Variants in FRMD4B observed in about 807,000 individuals in gnomAD.
FRMD4B encodes FERM domain-containing protein 4B.
Under a neutral mutation model 141.5 loss-of-function variants are expected in FRMD4B, and 74 were observed. The observed-to-expected ratio is 0.52, with a 90% CI of 0.43 to 0.63. FRMD4B has a LOEUF of 0.63. FRMD4B is among the 30% of genes least tolerant of loss of function. The probability of loss-of-function intolerance (pLI) is 0.00; values close to 1 mark genes in which losing one functional copy is unlikely to be tolerated. For synonymous variants in FRMD4B, 506 were observed against 467.9 expected (o/e 1.08, Z -1.05); for missense variants, 1,366 against 1,253.4 (o/e 1.09, Z -1.36).
At chr3:69,382,046 T>G (rs1704132093) in intron 1 of FRMD4B, among the ~76,000 whole-genome samples, 1 of 152,194 alleles carries the variant, frequency 6.6e-6, no homozygotes, top group South Asian at 2.1e-4. Context: ...TTTCATTTTA[T>G]TTATTTATTT....
At chr3:69,461,479 C>T (rs1005978962) in intron 1 of FRMD4B, among the ~76,000 whole-genome samples, 1 of 151,818 alleles carries the variant, frequency 6.6e-6, no homozygotes, top group Non-Finnish European at 1.5e-5. Context: ...TAAAAATTAT[C>T]CAGGCATGGT....
chr3:69,535,954 C>T, intron 1 of FRMD4B: 1 of 392,272 alleles, frequency 2.5e-6, no homozygotes, highest in Non-Finnish European at 5.1e-6. Flanking sequence ...TGGTCCCCAG[C>T]ATCTCCTTGG....
At chr3:69,515,048 G>T (rs555948662) in intron 1 of FRMD4B, among the ~76,000 whole-genome samples, 1 of 152,280 alleles carries the variant, frequency 6.6e-6, no homozygotes, top group South Asian at 2.1e-4. Context: ...AGAGGTCCCA[G>T]AAACAAACAT....
chr3:69,404,186 T>G (rs1434962834), intron 2 of FRMD4B, among the ~76,000 whole-genome samples: 1 of 152,232 alleles, frequency 6.6e-6, no homozygotes, highest in East Asian at 1.9e-4. Flanking sequence ...CCTGAACCAA[T>G]GTGCCTGGTC....
At chr3:69,212,720 T>A (rs915549392) in intron 11 of FRMD4B, among the ~76,000 whole-genome samples, 7 of 152,218 alleles carry the variant, frequency 4.6e-5, no homozygotes, top group Non-Finnish European at 8.8e-5. Context: ...AGCAGATGCA[T>A]TTACATTCTG....
At chr3:69,414,327 C>G (rs1479392343) in intron 2 of FRMD4B, among the ~76,000 whole-genome samples, 1 of 152,114 alleles carries the variant, frequency 6.6e-6, no homozygotes, top group Non-Finnish European at 1.5e-5. Flanking sequence ...TAGCACAGAT[C>G]AGACATGGGG....
intron 5 of FRMD4B, among the ~76,000 whole-genome samples, chr3:69,269,522 C>T (rs2093584595): frequency 6.6e-6 from 1 of 152,146 alleles, no homozygotes; most frequent in East Asian, 1.9e-4. Context: ...TACCCGCTTC[C>T]CCCATGTCAT....
intron 10 of FRMD4B, among the ~76,000 whole-genome samples, chr3:69,217,580 C>T (rs989024515): frequency 2.0e-5 from 3 of 152,162 alleles, no homozygotes; most frequent in African/African-American, 7.2e-5. Flanking sequence ...TGAGATCACG[C>T]CACTGCACTC....
At chr3:69,363,764 T>C (rs1010141486) in intron 1 of FRMD4B, among the ~76,000 whole-genome samples, 43 of 152,186 alleles carry the variant, frequency 2.8e-4, no homozygotes, top group African/African-American at 1.0e-3. Context: ...GTCCTATGTT[T>C]ACCCTTAACC....
At chr3:69,307,245 T>A (rs1447536973) in intron 3 of FRMD4B, among the ~76,000 whole-genome samples, 1 of 152,160 alleles carries the variant, frequency 6.6e-6, no homozygotes, top group Non-Finnish European at 1.5e-5. Flanking sequence ...GGAAAAAGGC[T>A]GTGTGAACCA....
intron 5 of FRMD4B, 199 bp from the exon 6 acceptor site, chr3:69,250,298 T>TGTGG: frequency 3.4e-6 from 1 of 293,722 alleles, no homozygotes; most frequent in South Asian, 3.4e-5. Context: ...TGCGTGTGTG[T>TGTGG]GTGTGTGTGT....
At chr3:69,321,776 A>G (rs1702006692) in intron 1 of FRMD4B, among the ~76,000 whole-genome samples, 3 of 151,890 alleles carry the variant, frequency 2.0e-5, no homozygotes, top group Admixed American at 2.0e-4. Flanking sequence ...GTACAGTGGC[A>G]CAACCATGAC....
intron 7 of FRMD4B, among the ~76,000 whole-genome samples, chr3:69,247,262 G>A (rs2093431359): frequency 1.3e-5 from 2 of 152,126 alleles, no homozygotes; most frequent in African/African-American, 2.4e-5. Flanking sequence ...GGCTCAGAGG[G>A]TGTCAGTCAC....
At position 69,481,212 on chromosome 3, in the gene FRMD4B, ACCCACTGTCCTGCG is replaced by A. The variant is rs1175237511; in HGVS notation, c.-128-48465_-128-48452del. On this transcript the variant is annotated intron_variant, in intron 1 of 5. Transcript: ENST00000459638. ...CTTCAGCTTGCGCACGGTGTGCTGCACCCACTGTCCTGCGCCCACTGTCTGGCACTCCCTAGTGA... is the reference window on the plus strand; with the variant it reads ...CTTCAGCTTGCGCACGGTGTGCTGCACCCACTGTCTGGCACTCCCTAGTGA... Among the ~76,000 whole-genome samples the A allele has an allele frequency of 6.7e-4, 102 of 152,142 alleles. 1 individual carries two copies. Among genetic ancestry groups the A allele is most frequent in the African/African-American group, 2.1e-3 (89 of 41,488 alleles).
chr3:69,455,523 C>G lies in FRMD4B; in HGVS notation c.-128-22762G>C, dbSNP rs551343352. 3.3e-5 allele frequency among the ~76,000 whole-genome samples: 5 copies of G among 152,214 alleles called. No individual in the cohort carries two copies. In the South Asian group the frequency reaches 6.2e-4, roughly 19 times the overall value. On this transcript the variant is annotated intron_variant, in intron 1 of 5. Coordinates refer to the FRMD4B transcript ENST00000459638. ...TCTGCAGCTTCCCTTCTGAAGCCAG[C>G]GAGACCATTAACCGGTAAGAAGGAA...
chr3:69,410,841 C>T (rs1227761525), intron 2 of FRMD4B, among the ~76,000 whole-genome samples: 2 of 150,016 alleles, frequency 1.3e-5, no homozygotes, highest in African/African-American at 4.9e-5. Context: ...TCATTGCAGC[C>T]TCTGACTCCT....
intron 1 of FRMD4B, among the ~76,000 whole-genome samples, chr3:69,366,265 AC>A (rs879496954): frequency 0.16 from 23,977 of 146,464 alleles, 2,290 homozygotes; most frequent in African/African-American, 0.24. Flanking sequence ...GTCTCAAAAA[AC>A]AAAAACAAAA....
intron 1 of FRMD4B, among the ~76,000 whole-genome samples, chr3:69,529,891 T>G (rs533232463): frequency 2.6e-5 from 4 of 152,218 alleles, no homozygotes; most frequent in Non-Finnish European, 5.9e-5. Flanking sequence ...GAGACAAATT[T>G]TGGCAGCTGT....
At chr3:69,478,459 G>T (rs1448332768) in intron 1 of FRMD4B, among the ~76,000 whole-genome samples, 5 of 151,990 alleles carry the variant, frequency 3.3e-5, no homozygotes, top group Admixed American at 6.6e-5. Flanking sequence ...CATTTCGTTA[G>T]GTACCCAGTA....
Sources: gnomAD v4.1 joint callset for allele counts (sites outside exome capture counted in the v4.1 genomes callset) on GRCh38, gnomAD v4.1.1 for gene constraint, MANE v1.5 for transcripts, NCBI Gene and HGNC (gene_info 2026-07-23, HGNC 2026-07-21) for gene names.